Variants in ITPR1 observed in about 807,000 individuals in gnomAD.
ITPR1 encodes the protein inositol 1,4,5-trisphosphate-gated calcium channel ITPR1.
A neutral mutation model predicts 318.4 loss-of-function variants in ITPR1; 96 were observed. The observed-to-expected ratio is 0.30, with a 90% CI of 0.26 to 0.36. The LOEUF (loss-of-function observed/expected upper bound fraction) is 0.36. ITPR1 is among the 10% of genes least tolerant of loss of function. The pLI is 1.00. For missense variants in ITPR1, 2,440 were observed against 3,460.2 expected, an observed-to-expected ratio of 0.71 and a Z score of 7.40; for synonymous variants, 1,312 against 1,289.9, an observed-to-expected ratio of 1.02 and a Z score of -0.37.
intron 2 of ITPR1, 86 bp from the exon 3 acceptor site, chr3:4,516,390 T>G: frequency 2.9e-6 from 2 of 688,618 alleles, no homozygotes; most frequent in Non-Finnish European, 4.8e-6. Context: ...CTTTGGAAAA[T>G]TGAGCTAAGC....
chr3:4,691,520 G>T (rs2094478055), intron 32 of ITPR1, among the ~76,000 whole-genome samples, 176 bp downstream of exon 32: 1 of 151,628 alleles, frequency 6.6e-6, no homozygotes, highest in Non-Finnish European at 1.5e-5. Context: ...TGTAGATATA[G>T]GCAAGAATCT....
chr3:4,794,910 C>T (rs1559909191), intron 52 of ITPR1, 155 bp from the exon 53 acceptor site: 2 of 787,698 alleles, frequency 2.5e-6, no homozygotes, highest in Non-Finnish European at 3.9e-6. Flanking sequence ...TCATTATGTA[C>T]CAAGTTCCAA....
intron 43 of ITPR1, among the ~76,000 whole-genome samples, chr3:4,733,790 C>A (rs889855337): frequency 2.0e-5 from 3 of 151,442 alleles, no homozygotes; most frequent in Non-Finnish European, 4.4e-5. Flanking sequence ...TGTACATCCA[C>A]AAACTCCTAT....
In ITPR1 at chr3:4,843,733, G is replaced by A. The variant is rs1053828486; in HGVS notation, c.8191-2406G>A. On this transcript the variant is annotated intron_variant, in intron 61 of 61. Transcript: ENST00000649015. ...AGTGGGGAGCCTTAAGGATAGGGAC[G>A]GAGGGAGGGTGGGCGATGGGATCAC... Among the ~76,000 whole-genome samples, 7 of 152,182 alleles carry A rather than the reference G, an allele frequency of 4.6e-5. 1 individual carries two copies. Among genetic ancestry groups the A allele is most frequent in the South Asian group, 4.1e-4 (2 of 4,834 alleles).
chr3:4,806,625 G>C (rs2048571091), intron 55 of ITPR1, among the ~76,000 whole-genome samples: 2 of 152,120 alleles, frequency 1.3e-5, no homozygotes, highest in Admixed American at 1.3e-4. Context: ...GTGTTTTTGA[G>C]GCTGTCATCC....
chr3:4,754,988 G>A (rs1272278136), intron 44 of ITPR1, among the ~76,000 whole-genome samples: 2 of 152,044 alleles, frequency 1.3e-5, no homozygotes, highest in Non-Finnish European at 2.9e-5. Flanking sequence ...TTTGACTATT[G>A]AACCCAGAGA....
intron 54 of ITPR1, among the ~76,000 whole-genome samples, chr3:4,804,551 G>C (rs932968973): frequency 6.6e-6 from 1 of 152,174 alleles, no homozygotes; most frequent in Admixed American, 6.5e-5. Flanking sequence ...TAGGGCAGAA[G>C]TTAGAGGGGA....
intron 30 of ITPR1, among the ~76,000 whole-genome samples, chr3:4,685,770 C>G (rs527263804): frequency 6.6e-6 from 1 of 152,282 alleles, no homozygotes; most frequent in South Asian, 2.1e-4. Context: ...TTTGGGGAGG[C>G]AGGAGCAGGC....
intron 44 of ITPR1, among the ~76,000 whole-genome samples, chr3:4,748,572 C>T (rs896156518): frequency 1.3e-5 from 2 of 152,058 alleles, no homozygotes; most frequent in African/African-American, 2.4e-5. Context: ...CCTCAGTTAT[C>T]GTTTCTGTAG....
chr3:4,772,533 C>T (rs1475426486), intron 46 of ITPR1, among the ~76,000 whole-genome samples: 1 of 152,242 alleles, frequency 6.6e-6, no homozygotes, highest in Non-Finnish European at 1.5e-5. Context: ...TGGGGACCCT[C>T]CCCTGAGAAG....
intron 4 of ITPR1, among the ~76,000 whole-genome samples, chr3:4,553,578 G>A (rs1043149663): frequency 1.9e-4 from 28 of 150,708 alleles, no homozygotes; most frequent in East Asian, 7.8e-4. Context: ...CTACAAGCGC[G>A]TGCCACCACG....
chr3:4,746,917 C>T (rs931656672), intron 44 of ITPR1, among the ~76,000 whole-genome samples: 3 of 152,178 alleles, frequency 2.0e-5, no homozygotes, highest in African/African-American at 7.2e-5. Context: ...ATCTGACTCC[C>T]CAGCACTCAG....
intron 4 of ITPR1, among the ~76,000 whole-genome samples, chr3:4,612,904 C>G (rs2092221097): frequency 6.6e-6 from 1 of 152,110 alleles, no homozygotes; most frequent in African/African-American, 2.4e-5. Flanking sequence ...ACAAAAGTAA[C>G]AAAACTGCTG....
intron 59 of ITPR1, 28 bp downstream of exon 59, chr3:4,815,246 G>T: frequency 6.2e-7 from 1 of 1,611,280 alleles, no homozygotes; most frequent in Non-Finnish European, 8.5e-7. Flanking sequence ...GCTCCAGCAA[G>T]GGCGTGAAGG....
intron 43 of ITPR1, among the ~76,000 whole-genome samples, chr3:4,734,860 T>C (rs1454154487): frequency 6.6e-6 from 1 of 152,254 alleles, no homozygotes; most frequent in Admixed American, 6.5e-5. Flanking sequence ...AATTGTGTTT[T>C]AATGTAAGGG....
chr3:4,755,204 T>C (rs2044867998), intron 44 of ITPR1, among the ~76,000 whole-genome samples: 1 of 149,274 alleles, frequency 6.7e-6, no homozygotes, highest in African/African-American at 2.5e-5. Flanking sequence ...AATTACTGTT[T>C]GTTGGTTGAG....
At chr3:4,737,874 G>A (rs1292875352) in intron 44 of ITPR1, among the ~76,000 whole-genome samples, 1 of 152,158 alleles carries the variant, frequency 6.6e-6, no homozygotes, top group Non-Finnish European at 1.5e-5. Flanking sequence ...ACATGACTGT[G>A]CACATGTTTA....
At chr3:4,806,397 C>A in intron 55 of ITPR1, 130 bp downstream of exon 55, 1 of 891,936 alleles carries the variant, frequency 1.1e-6, no homozygotes, top group Non-Finnish European at 1.7e-6. Flanking sequence ...TGAAGCTCCA[C>A]AGTTGGCAGC....
chr3:4,833,674 C>A (rs1041266500), intron 60 of ITPR1, among the ~76,000 whole-genome samples: 3 of 152,228 alleles, frequency 2.0e-5, no homozygotes, highest in Admixed American at 2.0e-4. Context: ...GCTGCTCCTG[C>A]CTGTCTGCCC....
Sources: gnomAD v4.1 joint callset for allele counts (sites outside exome capture counted in the v4.1 genomes callset) on GRCh38, gnomAD v4.1.1 for gene constraint, MANE v1.5 for transcripts, NCBI Gene and HGNC (gene_info 2026-07-23, HGNC 2026-07-21) for gene names.